The following MDGA2 variants were observed in gnomAD, a reference collection of about 807,000 sequenced individuals.
The protein encoded by MDGA2 is MAM domain containing glycosylphosphatidylinositol anchor 2.
Under a neutral mutation model 117.8 loss-of-function variants are expected in MDGA2, and 40 were observed. The observed-to-expected ratio is 0.34, with a 90% CI of 0.26 to 0.44. The LOEUF is 0.44. MDGA2 is among the 20% of genes least tolerant of loss of function. The pLI is 1.00. For missense variants in MDGA2, 1,123 were observed against 1,250.6 expected, an observed-to-expected ratio of 0.90 and a Z score of 1.54; for synonymous variants, 452 against 439.0, an observed-to-expected ratio of 1.03 and a Z score of -0.37.
chr14:47,243,787 A>G (rs1158666270), intron 2 of MDGA2, among the ~76,000 whole-genome samples: 5 of 151,808 alleles, frequency 3.3e-5, no homozygotes, highest in African/African-American at 1.2e-4. Context: ...TGAGACCAAG[A>G]ACCCACCAAT....
chr14:47,099,026 T>C (rs1880147943), intron 5 of MDGA2, among the ~76,000 whole-genome samples: 1 of 151,968 alleles, frequency 6.6e-6, no homozygotes. Flanking sequence ...TTGTTAAAAA[T>C]GTTTTCTTCC....
intron 5 of MDGA2, among the ~76,000 whole-genome samples, chr14:47,105,079 C>T (rs200417345): frequency 2.7e-5 from 4 of 147,028 alleles, no homozygotes; most frequent in East Asian, 4.1e-4. Context: ...TATACACTCA[C>T]GTTTCAAGGG....
intron 10 of MDGA2, among the ~76,000 whole-genome samples, chr14:46,911,104 T>C (rs772753601): frequency 2.0e-5 from 3 of 151,998 alleles, no homozygotes; most frequent in Non-Finnish European, 4.4e-5. Context: ...TGAAACAAGT[T>C]TACCCATATA....
chr14:46,881,009 AACACACACACAC>A (rs72117373), intron 11 of MDGA2, among the ~76,000 whole-genome samples: 10 of 145,588 alleles, frequency 6.9e-5, no homozygotes, highest in African/African-American at 2.3e-4. Context: ...AACTATCACT[AACACACACACAC>A]ACACACACAC....
At chr14:47,545,485 T>C (rs575486214) in intron 1 of MDGA2, among the ~76,000 whole-genome samples, 25 of 152,252 alleles carry the variant, frequency 1.6e-4, no homozygotes, top group African/African-American at 6.0e-4. Context: ...AAAAAGAACA[T>C]GTTCATGATT....
At chr14:47,338,337 G>T (rs534354902) in intron 1 of MDGA2, among the ~76,000 whole-genome samples, 1 of 151,762 alleles carries the variant, frequency 6.6e-6, no homozygotes, top group Non-Finnish European at 1.5e-5. Context: ...ATTATGCCAC[G>T]GGAGAGAAGA....
At chr14:47,068,070 T>C (rs1890147898) in intron 6 of MDGA2, among the ~76,000 whole-genome samples, 1 of 152,154 alleles carries the variant, frequency 6.6e-6, no homozygotes, top group African/African-American at 2.4e-5. Context: ...AGTCAGACGA[T>C]GAAATGAAGT....
At chr14:47,148,589 C>G (rs1478610110) in intron 3 of MDGA2, among the ~76,000 whole-genome samples, 1 of 152,158 alleles carries the variant, frequency 6.6e-6, no homozygotes, top group Admixed American at 6.5e-5. Flanking sequence ...CAATCTGGAT[C>G]CTGTGTATGA....
intron 1 of MDGA2, among the ~76,000 whole-genome samples, chr14:47,502,122 A>C (rs1194653589): frequency 6.6e-6 from 1 of 152,104 alleles, no homozygotes; most frequent in Non-Finnish European, 1.5e-5. Context: ...GAAAGGTTTA[A>C]AAAAAGACAA....
At chr14:46,925,972 C>T (rs1410874704) in intron 9 of MDGA2, among the ~76,000 whole-genome samples, 2 of 152,140 alleles carry the variant, frequency 1.3e-5, no homozygotes, top group Non-Finnish European at 2.9e-5. Flanking sequence ...ATTCAGTGCC[C>T]ACCTTTCCTA....
At chr14:47,077,468 G>A (rs140247685) in intron 6 of MDGA2, among the ~76,000 whole-genome samples, 54 of 151,972 alleles carry the variant, frequency 3.6e-4, no homozygotes, top group African/African-American at 1.2e-3. Flanking sequence ...CCTGTTCTTA[G>A]TTGTGTTCTT....
chr14:46,867,865 T>C (rs1259921354), intron 14 of MDGA2, among the ~76,000 whole-genome samples: 1 of 152,016 alleles, frequency 6.6e-6, no homozygotes, highest in African/African-American at 2.4e-5. Flanking sequence ...TCTTTTTACT[T>C]TAGTTGCCAG....
intron 15 of MDGA2, among the ~76,000 whole-genome samples, chr14:46,852,414 A>G (rs1011325428): frequency 2.0e-5 from 3 of 151,816 alleles, no homozygotes; most frequent in African/African-American, 7.2e-5. Context: ...CTGGTAGAAA[A>G]TCTGAGTTGA....
intron 8 of MDGA2, among the ~76,000 whole-genome samples, chr14:47,015,446 TAA>T (rs901131560): frequency 8.0e-5 from 11 of 136,764 alleles, no homozygotes; most frequent in Admixed American, 1.5e-4. Flanking sequence ...TATCTTCAGG[TAA>T]AAAAAAAAAG....
In MDGA2 at chr14:47,139,802, A is replaced by ATG. The variant is rs1221197151; in HGVS notation, c.792+4274_792+4275dup. On this transcript the variant is annotated intron_variant, in intron 4 of 16. Transcript: ENST00000399232. ...CACACAAATATATATGTGTATATAT[A>ATG]TGTATATATATACACACATATATAT... Among the ~76,000 whole-genome samples the ATG allele has an allele frequency of 4.4e-3, 153 of 34,472 alleles. 1 individual carries two copies. The highest frequency in any genetic ancestry group is 9.3e-3 in the Admixed American group (24 of 2,590). The allele number at this position is 34,472 out of a possible 152,430, so 22.6% of individuals were successfully genotyped here. A position where few individuals can be genotyped will look rare whatever the true frequency, so the allele number is the denominator to read the frequency against.
At chr14:46,926,093 G>A (rs1290807854) in intron 9 of MDGA2, among the ~76,000 whole-genome samples, 1 of 152,160 alleles carries the variant, frequency 6.6e-6, no homozygotes, top group African/African-American at 2.4e-5. Context: ...GTGCTAACTT[G>A]TGAAGCATCT....
At chr14:46,938,792 G>T (rs1884886200) in intron 9 of MDGA2, among the ~76,000 whole-genome samples, 1 of 151,986 alleles carries the variant, frequency 6.6e-6, no homozygotes, top group African/African-American at 2.4e-5. Flanking sequence ...AATCAGTACA[G>T]TACAGAGATA....
At chr14:47,012,208 C>G (rs1450247106) in intron 8 of MDGA2, among the ~76,000 whole-genome samples, 2 of 152,068 alleles carry the variant, frequency 1.3e-5, no homozygotes, top group Non-Finnish European at 1.5e-5. Flanking sequence ...AATCTCTTCT[C>G]TATAAACTGA....
At chr14:47,012,139 T>G (rs1410617125) in intron 8 of MDGA2, among the ~76,000 whole-genome samples, 1 of 152,080 alleles carries the variant, frequency 6.6e-6, no homozygotes, top group Non-Finnish European at 1.5e-5. Context: ...AAAAGTGAAT[T>G]AATTTAAAAA....
Sources: gnomAD v4.1 joint callset for allele counts (sites outside exome capture counted in the v4.1 genomes callset) on GRCh38, gnomAD v4.1.1 for gene constraint, MANE v1.5 for transcripts, NCBI Gene and HGNC (gene_info 2026-07-23, HGNC 2026-07-21) for gene names.